Variants in XIRP2 observed in about 807,000 individuals in gnomAD.
XIRP2 encodes xin actin-binding repeat-containing protein 2.
XIRP2 carries 236 observed loss-of-function variants against 277.0 expected under a neutral mutation model. The observed-to-expected ratio is 0.85, with a 90% CI of 0.77 to 0.95. The LOEUF (loss-of-function observed/expected upper bound fraction) is 0.95. XIRP2 is among the 40% of genes least tolerant of loss of function. The pLI, the probability that XIRP2 is intolerant of heterozygous loss-of-function variation, is 0.00. For synonymous variants in XIRP2, 1,490 were observed against 1,416.5 expected (o/e 1.05, Z -1.17); for missense variants, 4,640 against 4,157.5 (o/e 1.12, Z -3.19).
chr2:167,042,213 CA>C (rs1473105418), intron 2 of XIRP2, among the ~76,000 whole-genome samples: 3 of 152,128 alleles, frequency 2.0e-5, no homozygotes, highest in Admixed American at 1.3e-4. Context: ...AACCAAAGAT[CA>C]TTACCTGTCA....
At position 167,030,736 on chromosome 2, in the gene XIRP2, C is replaced by G. The variant is rs990864719; in HGVS notation, c.409-105173C>G. On this transcript the variant is annotated intron_variant, in intron 2 of 10. Transcript: ENST00000409195. ...AGATGTCTATTGGGTCCGCTTGGTGCGGAGCTGAGTTCAAGTCCTGAATAC... is the reference window on the plus strand; with the variant it reads ...AGATGTCTATTGGGTCCGCTTGGTGGGGAGCTGAGTTCAAGTCCTGAATAC... Among the ~76,000 whole-genome samples, 6 of 152,098 alleles carry G rather than the reference C, an allele frequency of 3.9e-5. No homozygotes were observed. In the South Asian group the frequency reaches 1.2e-3, roughly 32 times the overall value.
At chr2:167,181,481 A>G (rs537507179) in intron 3 of XIRP2, among the ~76,000 whole-genome samples, 1 of 152,220 alleles carries the variant, frequency 6.6e-6, no homozygotes, top group African/African-American at 2.4e-5. Flanking sequence ...TTTTCTTCAA[A>G]TTCTTACTGT....
intron 2 of XIRP2, among the ~76,000 whole-genome samples, chr2:167,066,859 T>C (rs545659828): frequency 2.6e-5 from 4 of 152,308 alleles, no homozygotes; most frequent in Admixed American, 2.0e-4. Flanking sequence ...GAGTACATTA[T>C]GCCAAGTAAA....
intron 2 of XIRP2, among the ~76,000 whole-genome samples, chr2:166,924,640 G>T (rs1054523979): frequency 6.6e-6 from 1 of 151,896 alleles, no homozygotes; most frequent in Non-Finnish European, 1.5e-5. Flanking sequence ...ATGAGAAGAG[G>T]TTTCTTAAGT....
chr2:167,191,529 GC>G (rs1693335665), intron 3 of XIRP2, among the ~76,000 whole-genome samples: 1 of 152,054 alleles, frequency 6.6e-6, no homozygotes, highest in African/African-American at 2.4e-5. Flanking sequence ...GCTTTTTGTG[GC>G]TTTTCATTTT....
At chr2:167,197,611 G>T (rs138459899) in intron 3 of XIRP2, among the ~76,000 whole-genome samples, 114 of 152,046 alleles carry the variant, frequency 7.5e-4, no homozygotes, top group Middle Eastern at 3.4e-3. Context: ...TATTATTTTT[G>T]AAAATATTTT....
intron 2 of XIRP2, among the ~76,000 whole-genome samples, chr2:167,134,523 A>G (rs1451488586): frequency 6.6e-6 from 1 of 152,130 alleles, no homozygotes; most frequent in Non-Finnish European, 1.5e-5. Flanking sequence ...AGGTAACAAA[A>G]GTGAAAAACA....
chr2:167,151,706 C>T (rs538739323), intron 3 of XIRP2, among the ~76,000 whole-genome samples: 4 of 152,176 alleles, frequency 2.6e-5, no homozygotes, highest in African/African-American at 7.2e-5. Context: ...AATGAAAACG[C>T]TTGCTTCAAA....
chr2:167,254,088 A>G lies in XIRP2; in HGVS notation c.10612A>G (p.Asn3538Asp). 1.9e-6 allele frequency: 3 copies of G among 1,610,402 alleles called. No homozygotes were observed. The highest frequency in any genetic ancestry group is 2.5e-6 in the Non-Finnish European group (3 of 1,178,022). The change falls in exon 10 of 11, where the codon AAT becomes GAT. Residue 3538 changes from asparagine to aspartate, a missense_variant. By Grantham distance (23) the Asn-to-Asp change is conservative. Transcript: ENST00000409195. Reference protein sequence around the residue: ...MYTLSKDSLSNGVPSGRQAEF... With the variant: ...MYTLSKDSLSDGVPSGRQAEF... The stretch of plus-strand genomic sequence containing the variant: ...TACTTTGTCAAAAGACAGTTTATCC[A>G]ATGGAGTGCCTAGTGGCAGACAAGC...
At chr2:167,069,786 T>G (rs1378713300) in intron 2 of XIRP2, among the ~76,000 whole-genome samples, 1 of 152,130 alleles carries the variant, frequency 6.6e-6, no homozygotes, top group Non-Finnish European at 1.5e-5. Context: ...TTTATTTCAT[T>G]TTTGTCATCT....
At chr2:166,964,889 G>C (rs1251316365) in intron 2 of XIRP2, among the ~76,000 whole-genome samples, 1 of 151,672 alleles carries the variant, frequency 6.6e-6, no homozygotes, top group East Asian at 2.0e-4. Flanking sequence ...CTCAGTTTGT[G>C]CTTGTAACCC....
At chr2:167,127,299 G>C (rs997249744) in intron 2 of XIRP2, among the ~76,000 whole-genome samples, 12 of 151,780 alleles carry the variant, frequency 7.9e-5, no homozygotes, top group Admixed American at 7.9e-4. Flanking sequence ...AGGTAGAGTT[G>C]TGCATCTATC....
At chr2:166,936,891 T>C (rs1011791046) in intron 2 of XIRP2, among the ~76,000 whole-genome samples, 4 of 152,210 alleles carry the variant, frequency 2.6e-5, no homozygotes, top group African/African-American at 9.7e-5. Context: ...GTCTTGGCAA[T>C]GTGGGCCCTT....
At chr2:166,943,495 TC>T (rs1431477815) in intron 2 of XIRP2, among the ~76,000 whole-genome samples, 9 of 152,198 alleles carry the variant, frequency 5.9e-5, no homozygotes, top group Admixed American at 5.9e-4. Flanking sequence ...GTTTTGTTCA[TC>T]ATATCACCAC....
intron 2 of XIRP2, among the ~76,000 whole-genome samples, chr2:167,013,589 A>G (rs1411383557): frequency 2.0e-5 from 3 of 151,554 alleles, no homozygotes; most frequent in African/African-American, 7.3e-5. Context: ...AATAATATAA[A>G]GACTATATAT....
chr2:167,115,925 A>C (rs1201693122), intron 2 of XIRP2, among the ~76,000 whole-genome samples: 1 of 152,188 alleles, frequency 6.6e-6, no homozygotes, highest in East Asian at 1.9e-4. Flanking sequence ...TTAAGTTTCC[A>C]AGAGTTTGAT....
rs540354603 is a variant in XIRP2, at chr2:167,215,454, C to G, written c.724-2712C>G. 2.0e-5 allele frequency among the ~76,000 whole-genome samples: 3 copies of G among 152,204 alleles called. No individual in the cohort carries two copies. The East Asian group carries it at 5.8e-4, about 29-fold the overall frequency. On this transcript the variant is annotated intron_variant, in intron 4 of 10. Transcript: ENST00000409195. ...AGTACTTGCTAGTAATTTAGATAAT[C>G]CTAATATTAGTCTATAATATTCTGG...
chr2:167,103,006 G>C (rs1690524115), intron 2 of XIRP2, among the ~76,000 whole-genome samples: 1 of 152,130 alleles, frequency 6.6e-6, no homozygotes, highest in Admixed American at 6.5e-5. Context: ...GGGCATGGTG[G>C]CTCATGCCTG....
At position 167,257,883 on chromosome 2, in the gene XIRP2, GACAAATAT is replaced by G. The variant is rs1219093044; in HGVS notation, c.*69_*76del. The G allele has an allele frequency of 6.2e-7, 1 of 1,601,508 alleles. No homozygotes were observed. The highest frequency in any genetic ancestry group is 2.2e-5 in the East Asian group (1 of 44,738). ...TTGGGAAATTATGCATCACTTCATG[GACAAATAT>G]ACTGTAAACCTCACTTTAAACAACT... is the stretch of plus-strand genomic sequence containing the variant. On this transcript the variant is annotated 3_prime_UTR_variant, in exon 11 of 11. Transcript: ENST00000409195.
Sources: allele counts gnomAD v4.1 joint callset (sites outside exome capture counted in the v4.1 genomes callset), GRCh38; gene constraint gnomAD v4.1.1; transcripts MANE v1.5; gene names NCBI Gene and HGNC (gene_info 2026-07-23, HGNC 2026-07-21).